Variants in SLC24A2 observed in about 807,000 individuals in gnomAD.
The protein encoded by SLC24A2 is solute carrier family 24 member 2.
In SLC24A2, 36 loss-of-function variants were observed where a neutral mutation model predicts 62.0. The observed-to-expected ratio is 0.58, with a 90% CI of 0.44 to 0.77. SLC24A2 has a LOEUF of 0.77. Among genes scored for constraint, SLC24A2 ranks in the 30% least tolerant of loss-of-function variants. The pLI, the probability that SLC24A2 is intolerant of heterozygous loss-of-function variation, is 0.00. For missense variants in SLC24A2, 846 were observed against 817.9 expected (o/e 1.03, Z -0.42); for synonymous variants, 358 against 294.0 (o/e 1.22, Z -2.23).
chr9:19,607,048 A>ATCCCG (rs3086302), intron 4 of SLC24A2, among the ~76,000 whole-genome samples: 89,459 of 151,538 alleles, frequency 0.59, 26,967 homozygotes, highest in East Asian at 0.84. Flanking sequence ...ATTCAACCTC[A>ATCCCG]TGAAGTGAGG....
chr9:19,687,190 A>G (rs1265354610), intron 2 of SLC24A2, among the ~76,000 whole-genome samples: 1 of 152,228 alleles, frequency 6.6e-6, no homozygotes, highest in East Asian at 1.9e-4. Flanking sequence ...TATGCTTATT[A>G]CCTGGGTGAC....
chr9:20,197,779 G>A, the SLC24A2 span, among the ~76,000 whole-genome samples: 6 of 152,008 alleles, frequency 3.9e-5, no homozygotes, highest in Admixed American at 1.3e-4. Flanking sequence ...TTGTCAGTGA[G>A]GACATAAACA....
At chr9:19,643,439 T>C (rs1818559354) in intron 2 of SLC24A2, among the ~76,000 whole-genome samples, 1 of 152,226 alleles carries the variant, frequency 6.6e-6, no homozygotes, top group African/African-American at 2.4e-5. Flanking sequence ...GAATAATTGA[T>C]GGAAATGTAC....
At chr9:19,574,476 C>T (rs1453447299) in intron 6 of SLC24A2, among the ~76,000 whole-genome samples, 1 of 152,166 alleles carries the variant, frequency 6.6e-6, no homozygotes, top group Non-Finnish European at 1.5e-5. Context: ...CTCAACCTCT[C>T]TGAAATTCAG....
intron 2 of SLC24A2, among the ~76,000 whole-genome samples, chr9:19,665,637 G>T (rs186819374): frequency 6.6e-6 from 1 of 152,142 alleles, no homozygotes; most frequent in East Asian, 1.9e-4. Context: ...ATTTGTTGTT[G>T]TTGTTTGAGA....
the SLC24A2 span, among the ~76,000 whole-genome samples, chr9:19,914,120 T>C: frequency 3.9e-5 from 6 of 152,188 alleles, no homozygotes; most frequent in Admixed American, 1.3e-4. Context: ...ATACTTTGGG[T>C]TCTACCTCAA....
intron 3 of SLC24A2, among the ~76,000 whole-genome samples, chr9:19,621,237 T>G (rs1452424596): frequency 6.6e-6 from 1 of 152,216 alleles, no homozygotes; most frequent in African/African-American, 2.4e-5. Flanking sequence ...AGAAATCACA[T>G]TGCCAATTCA....
chr9:19,889,616 AG>A, the SLC24A2 span, among the ~76,000 whole-genome samples: 138 of 152,206 alleles, frequency 9.1e-4, no homozygotes, highest in Non-Finnish European at 9.1e-4. Context: ...CCTTCAACCC[AG>A]GATTCTTAAA....
chr9:19,706,171 C>A, intron 2 of SLC24A2, among the ~76,000 whole-genome samples: 2 of 150,172 alleles, frequency 1.3e-5, no homozygotes, highest in African/African-American at 4.9e-5. Context: ...TGAATTGATC[C>A]CTTTACCATT....
chr9:19,636,464 C>G (rs1284739624), intron 2 of SLC24A2, among the ~76,000 whole-genome samples: 1 of 146,114 alleles, frequency 6.8e-6, no homozygotes, highest in East Asian at 2.0e-4. Context: ...GGGCATCTCA[C>G]TCTGTTACCC....
chr9:20,195,883 C>T, the SLC24A2 span, among the ~76,000 whole-genome samples: 6,982 of 151,908 alleles, frequency 0.046, 208 homozygotes, highest in South Asian at 0.092. Flanking sequence ...TAGCTACTGT[C>T]CATGGTATAC....
chr9:19,624,419 C>T (rs1312271651), intron 2 of SLC24A2, among the ~76,000 whole-genome samples: 1 of 151,778 alleles, frequency 6.6e-6, no homozygotes, highest in Non-Finnish European at 1.5e-5. Context: ...TATCTAAATA[C>T]ATGATTAAGG....
the SLC24A2 span, among the ~76,000 whole-genome samples, chr9:20,141,859 A>T: frequency 6.6e-6 from 1 of 152,178 alleles, no homozygotes; most frequent in Non-Finnish European, 1.5e-5. Flanking sequence ...AAGGCAGGTG[A>T]ATCACTTGAG....
the SLC24A2 span, among the ~76,000 whole-genome samples, chr9:19,922,845 T>C: frequency 6.6e-6 from 1 of 152,174 alleles, no homozygotes; most frequent in Admixed American, 6.5e-5. Context: ...ACAACTTGAA[T>C]GCATGAGGAT....
the SLC24A2 span, among the ~76,000 whole-genome samples, chr9:19,976,664 T>C: frequency 5.9e-5 from 9 of 152,192 alleles, no homozygotes; most frequent in Non-Finnish European, 1.5e-5. Context: ...ACTTAACGTA[T>C]AGAGAAGGAT....
At chr9:20,225,577 T>TATATATATTATA in the SLC24A2 span, among the ~76,000 whole-genome samples, 1 of 57,914 alleles carries the variant, frequency 1.7e-5, no homozygotes, top group African/African-American at 1.0e-4. Context: ...TATATATAAT[T>TATATATATTATA]TCATTTAAAG....
the SLC24A2 span, among the ~76,000 whole-genome samples, chr9:20,143,156 T>A: frequency 2.0e-5 from 3 of 151,834 alleles, no homozygotes; most frequent in Non-Finnish European, 4.4e-5. Flanking sequence ...GTGAGGTGAG[T>A]GGAAGTGACA....
the SLC24A2 span, among the ~76,000 whole-genome samples, chr9:20,149,920 A>G: frequency 6.6e-6 from 1 of 152,146 alleles, no homozygotes; most frequent in Admixed American, 6.6e-5. Context: ...GGTGATAGTC[A>G]TTAGTGCTGT....
the SLC24A2 span, among the ~76,000 whole-genome samples, chr9:20,243,941 G>A: frequency 2.6e-5 from 4 of 151,688 alleles, no homozygotes; most frequent in South Asian, 2.1e-4. Flanking sequence ...GAGGGACCTC[G>A]AGAGGAAGGG....
Sources: gnomAD v4.1 joint callset for allele counts (sites outside exome capture counted in the v4.1 genomes callset) on GRCh38, gnomAD v4.1.1 for gene constraint, MANE v1.5 for transcripts, NCBI Gene and HGNC (gene_info 2026-07-23, HGNC 2026-07-21) for gene names.